SEC23IP: variants seen among roughly 807,000 people sequenced by gnomAD.
SEC23IP encodes SEC23 interacting protein.
A neutral mutation model predicts 113.4 loss-of-function variants in SEC23IP; 70 were observed. The ratio of observed to expected loss-of-function variants is 0.62; its 90% CI spans 0.51 to 0.75. The LOEUF (loss-of-function observed/expected upper bound fraction) is 0.75. Ranked by LOEUF, SEC23IP falls within the 30% of genes least tolerant of loss-of-function variation. SEC23IP has a pLI of 0.00. For synonymous variants in SEC23IP, 398 were observed against 421.0 expected, an observed-to-expected ratio of 0.95 and a Z score of 0.67; for missense variants, 1,160 against 1,204.9, an observed-to-expected ratio of 0.96 and a Z score of 0.55.
In SEC23IP at chr10:119,942,569, C is replaced by T. The variant is rs1855995726; in HGVS notation, c.*2004C>T. 6.6e-6 allele frequency: 1 copy of T among 152,172 alleles called. No homozygotes were observed. Among genetic ancestry groups the T allele is most frequent in the South Asian group, 2.1e-4 (1 of 4,832 alleles). The allele number at this position is 152,172 out of a possible 1,614,324, so 9.4% of individuals were successfully genotyped here. On this transcript the variant is annotated 3_prime_UTR_variant, in exon 19 of 19. Coordinates refer to ENST00000369075, the MANE Select transcript of SEC23IP (RefSeq NM_007190.4). ...AGCTCATCCCCTGACAACCTCCCCTCCCAGCCCCTAATCTGGTTTAATGCC... is the reference window on the plus strand; with the variant it reads ...AGCTCATCCCCTGACAACCTCCCCTTCCAGCCCCTAATCTGGTTTAATGCC...
At position 119,918,402 on chromosome 10, in the gene SEC23IP, T is replaced by C. The variant is rs764152146; in HGVS notation, c.1763T>C (p.Ile588Thr). The C allele has an allele frequency of 6.3e-7, 1 of 1,593,576 alleles. No homozygotes were observed. The highest frequency in any genetic ancestry group is 8.6e-7 in the Non-Finnish European group (1 of 1,161,852). The change falls in exon 10 of 19, where the codon ATA (isoleucine) becomes ACA (threonine). Residue 588 changes from isoleucine to threonine, a missense_variant. By Grantham distance (89) the Ile-to-Thr change is moderately conservative. Transcript: ENST00000369075. Reference sequence around the variant, plus strand: ...TGTTTCTTTTTCATAGGTTCTTTAATATTGTTTGACATCCTGTCTAATCAA... The same window carrying C: ...TGTTTCTTTTTCATAGGTTCTTTAACATTGTTTGACATCCTGTCTAATCAA... ...SVAGHSLGSL[I>T]LFDILSNQKD...
At chr10:119,907,581 G>A (rs919860354) in intron 4 of SEC23IP, among the ~76,000 whole-genome samples, 18 of 152,210 alleles carry the variant, frequency 1.2e-4, no homozygotes, top group Admixed American at 3.3e-4. Context: ...TAGTACGATC[G>A]GCCCTCCGTA....
chr10:119,898,761 A>C lies in SEC23IP; in HGVS notation c.498A>C (p.Ser166=), dbSNP rs1017374876. 13 of 1,614,064 alleles carry C rather than the reference A, an allele frequency of 8.1e-6. No individual in the cohort carries two copies. The Admixed American group carries it at 2.2e-4, about 27-fold the overall frequency. The change falls in exon 2 of 19, where the codon TCA becomes TCC. Residue 166 remains serine (S), a synonymous_variant. Coordinates refer to ENST00000369075, the MANE Select transcript of SEC23IP (RefSeq NM_007190.4). Reference sequence around the variant, plus strand: ...CTCAGCCAAGTAGTCTCCCTCCTTCATATTTTGGGAACCAACCCCAAGGAA... The same window carrying C: ...CTCAGCCAAGTAGTCTCCCTCCTTCCTATTTTGGGAACCAACCCCAAGGAA... ...LPSQPSSLPP[S]YFGNQPQGIP... is the part of the protein sequence containing the mutation.
At chr10:119,940,173 G>T (rs1014109884) in intron 18 of SEC23IP, among the ~76,000 whole-genome samples, 17 of 149,916 alleles carry the variant, frequency 1.1e-4, no homozygotes, top group Admixed American at 2.7e-4. Context: ...GTAAAGTTGA[G>T]CACTGGATTG....
At position 119,919,337 on chromosome 10, in the gene SEC23IP, A is replaced by G. The variant is rs928424812; in HGVS notation, c.1873-107A>G. 4.7e-6 allele frequency: 5 copies of G among 1,058,980 alleles called. No homozygotes were observed. The African/African-American group carries it at 8.0e-5, about 17-fold the overall frequency. The allele number at this position is 1,058,980 out of a possible 1,614,324, so 65.6% of individuals were successfully genotyped here. A position where few individuals can be genotyped will look rare whatever the true frequency, so the allele number is the denominator to read the frequency against. ...ATGGCAAAGTACTGTGCCTAAAATT[A>G]TGATTTCTGTGTAAAGCAAAATTGT... On this transcript the variant is annotated intron_variant, in intron 10 of 18. Transcript: ENST00000369075.
intron 4 of SEC23IP, 100 bp downstream of exon 4, chr10:119,904,377 A>G: frequency 9.8e-7 from 1 of 1,018,864 alleles, no homozygotes; most frequent in Non-Finnish European, 1.5e-6. Flanking sequence ...TTTACTTACA[A>G]GACAGCTTGT....
chr10:119,929,698 T>G lies in SEC23IP; in HGVS notation c.2405T>G (p.Val802Gly), dbSNP rs745411078. ...GCTATGTTTCTCACTATTCGAGGAG[T>G]TGATAGGATAGATGAGAATTACAGC... ...PIAMFLTIRG[V>G]DRIDENYSLP... The change falls in exon 14 of 19, where the codon GTT becomes GGT. Residue 802 changes from valine (V) to glycine (G), a missense_variant. Physicochemically the swap from Val to Gly is moderately radical, Grantham distance 109. Coordinates refer to ENST00000369075, the MANE Select transcript of SEC23IP (RefSeq NM_007190.4). 4 of 1,601,742 alleles carry G rather than the reference T, an allele frequency of 2.5e-6. No homozygotes were observed. In the African/African-American group the frequency reaches 4.0e-5, roughly 16 times the overall value.
rs398046283 is a variant in SEC23IP at position 119,915,726 on chromosome 10, CTT to C, written c.1403-11_1403-10del. On this transcript the variant is annotated intron_variant, in intron 7 of 18. Coordinates refer to ENST00000369075, the MANE Select transcript of SEC23IP (RefSeq NM_007190.4). ...GCTAGGAGAATTTAATTTATTTTCT[CTT>C]TTTTTTTTTTCTTTTGAAGTGGATG... 265 of 1,151,988 alleles carry C rather than the reference CTT, an allele frequency of 2.3e-4. No homozygotes were observed. The highest frequency in any genetic ancestry group is 4.7e-4 in the South Asian group (26 of 55,038). The allele number at this position is 1,151,988 out of a possible 1,614,324, so 71.4% of individuals were successfully genotyped here.
intron 5 of SEC23IP, among the ~76,000 whole-genome samples, chr10:119,911,375 G>T (rs1184476984): frequency 1.3e-5 from 2 of 151,294 alleles, no homozygotes; most frequent in African/African-American, 4.9e-5. Flanking sequence ...GTCCTCCCAT[G>T]TTGGCCTCTC....
intron 1 of SEC23IP, 94 bp downstream of exon 1, chr10:119,893,039 G>T (rs1172674877): frequency 1.4e-6 from 2 of 1,391,722 alleles, no homozygotes; most frequent in East Asian, 4.7e-5. Context: ...TCTGCCTCGA[G>T]CTACCCTCTG....
intron 2 of SEC23IP, among the ~76,000 whole-genome samples, 177 bp downstream of exon 2, chr10:119,899,136 G>T (rs1335837114): frequency 6.6e-6 from 1 of 152,176 alleles, no homozygotes; most frequent in Non-Finnish European, 1.5e-5. Flanking sequence ...CTTATTGGAT[G>T]GCTCATATTT....
chr10:119,917,794 G>A lies in SEC23IP; in HGVS notation c.1545-42G>A, dbSNP rs1430961731. On this transcript the variant is annotated intron_variant, in intron 8 of 18. Coordinates refer to ENST00000369075, the MANE Select transcript of SEC23IP (RefSeq NM_007190.4). ...CTTTAAAAAAATCTGTAAATTTAAGGTAGATGCTGACTGAATGTGCTGTAT... is the reference window on the plus strand; with the variant it reads ...CTTTAAAAAAATCTGTAAATTTAAGATAGATGCTGACTGAATGTGCTGTAT... 3 of 1,469,914 alleles carry A rather than the reference G, an allele frequency of 2.0e-6. No homozygotes were observed. In the African/African-American group the frequency reaches 4.2e-5, roughly 21 times the overall value. The allele number at this position is 1,469,914 out of a possible 1,614,324, so 91.1% of individuals were successfully genotyped here.
chr10:119,893,054 G>A (rs1323159601), intron 1 of SEC23IP, 109 bp downstream of exon 1: 1 of 1,261,638 alleles, frequency 7.9e-7, no homozygotes, highest in East Asian at 2.4e-5. Context: ...CCTCTGGATA[G>A]CTTGCCAGGA....
At chr10:119,933,647 T>C (rs1187089361) in intron 17 of SEC23IP, 39 bp from the exon 18 acceptor site, 1 of 1,141,356 alleles carries the variant, frequency 8.8e-7, no homozygotes, top group Non-Finnish European at 1.3e-6. Context: ...TAATTTCTTC[T>C]AATTGTCTCT....
intron 18 of SEC23IP, among the ~76,000 whole-genome samples, chr10:119,936,580 C>T (rs1253874392): frequency 6.9e-6 from 1 of 144,762 alleles, no homozygotes; most frequent in African/African-American, 2.5e-5. Flanking sequence ...TTGATCCCTA[C>T]ATTTTGCTAA....
intron 13 of SEC23IP, among the ~76,000 whole-genome samples, chr10:119,927,588 A>G (rs1274900775): frequency 6.6e-6 from 1 of 152,042 alleles, no homozygotes; most frequent in Non-Finnish European, 1.5e-5. Flanking sequence ...AGTGTGTCCA[A>G]ATTTCCCCTT....
chr10:119,922,659 T>C (rs1468774323), intron 12 of SEC23IP, among the ~76,000 whole-genome samples: 1 of 151,614 alleles, frequency 6.6e-6, no homozygotes, highest in African/African-American at 2.4e-5. Context: ...AGGTAGGAGG[T>C]GGAGAGGAAG....
chr10:119,904,538 C>A, intron 4 of SEC23IP: 1 of 364,920 alleles, frequency 2.7e-6, no homozygotes, highest in Non-Finnish European at 5.0e-6. Context: ...TCAATAGAAC[C>A]TAGGCCGCTG....
intron 5 of SEC23IP, among the ~76,000 whole-genome samples, chr10:119,911,328 G>C (rs532508177): frequency 4.7e-5 from 7 of 148,136 alleles, no homozygotes; most frequent in African/African-American, 1.7e-4. Flanking sequence ...CTCTAACTTT[G>C]TTGCCCAGGC....
Sources: allele counts gnomAD v4.1 joint callset (sites outside exome capture counted in the v4.1 genomes callset), GRCh38; gene constraint gnomAD v4.1.1; transcripts MANE v1.5; gene names NCBI Gene and HGNC (gene_info 2026-07-23, HGNC 2026-07-21).